The following PCDH15 variants were observed in gnomAD, a reference collection of about 807,000 sequenced individuals.
The protein encoded by PCDH15 is protocadherin-15.
Under a neutral mutation model 178.5 loss-of-function variants are expected in PCDH15, and 129 were observed. The ratio of observed to expected loss-of-function variants is 0.72; its 90% CI spans 0.63 to 0.84. The LOEUF (loss-of-function observed/expected upper bound fraction) is 0.84. Ranked by LOEUF, PCDH15 falls within the 40% of genes least tolerant of loss-of-function variation. PCDH15 has a pLI of 0.00. For synonymous variants in PCDH15, 800 were observed against 732.0 expected, an observed-to-expected ratio of 1.09 and a Z score of -1.50; for missense variants, 2,230 against 2,099.9, an observed-to-expected ratio of 1.06 and a Z score of -1.21.
chr10:54,033,231 T>C (rs1339640763), intron 18 of PCDH15, among the ~76,000 whole-genome samples: 2 of 152,034 alleles, frequency 1.3e-5, no homozygotes, highest in African/African-American at 4.8e-5. Flanking sequence ...CAGTCTATTC[T>C]AGCATTGCTT....
At chr10:54,299,538 C>G (rs1159879426) in intron 8 of PCDH15, among the ~76,000 whole-genome samples, 1 of 152,220 alleles carries the variant, frequency 6.6e-6, no homozygotes, top group Non-Finnish European at 1.5e-5. Context: ...CCCAAAAGCA[C>G]TGAGGCTACT....
Position 54,425,676 on chromosome 10 carries a change from C to T in PCDH15, c.158-46734G>A, listed in dbSNP as rs149999189. Among the ~76,000 whole-genome samples the T allele has an allele frequency of 4.9e-3, 740 of 152,170 alleles. 8 individuals are homozygous for T. Among genetic ancestry groups the T allele is most frequent in the African/African-American group, 0.017 (687 of 41,528 alleles). Reference sequence around the variant, plus strand: ...TGAAGGAATGTCATAAGGTTTTCAGCATATAGAGGCTCTAAATATCAGTCT... The same window carrying T: ...TGAAGGAATGTCATAAGGTTTTCAGTATATAGAGGCTCTAAATATCAGTCT... On this transcript the variant is annotated intron_variant, in intron 3 of 37. Transcript: ENST00000644397.
intron 2 of PCDH15, among the ~76,000 whole-genome samples, chr10:54,576,002 GC>G (rs1178458747): frequency 6.6e-6 from 1 of 152,098 alleles, no homozygotes; most frequent in East Asian, 2.0e-4. Flanking sequence ...CTGGCCAATG[GC>G]CAATTTGTAA....
At chr10:54,307,028 A>ATGTGTG (rs1218411712) in intron 8 of PCDH15, among the ~76,000 whole-genome samples, 3 of 30,734 alleles carry the variant, frequency 9.8e-5, no homozygotes, top group African/African-American at 2.4e-4. Flanking sequence ...ATATATATAT[A>ATGTGTG]TGTGTGTGTG....
At chr10:54,588,919 G>T (rs1200789890) in intron 2 of PCDH15, among the ~76,000 whole-genome samples, 4 of 151,998 alleles carry the variant, frequency 2.6e-5, no homozygotes, top group Admixed American at 1.3e-4. Context: ...CTGCTAGCTA[G>T]TGGAAAAAAA....
chr10:54,961,168 C>A (rs1358193078), intron 2 of PCDH15, among the ~76,000 whole-genome samples: 1 of 152,186 alleles, frequency 6.6e-6, no homozygotes, highest in East Asian at 1.9e-4. Context: ...TCCCTTGTGC[C>A]CGCTCCAGTG....
chr10:54,835,203 G>C (rs1953294839), intron 3 of PCDH15, among the ~76,000 whole-genome samples: 1 of 152,134 alleles, frequency 6.6e-6, no homozygotes, highest in Non-Finnish European at 1.5e-5. Flanking sequence ...GTAGACTTCA[G>C]CAGGAGAAGG....
At chr10:55,606,359 C>T (rs867861476) in intron 2 of PCDH15, among the ~76,000 whole-genome samples, 53 of 143,112 alleles carry the variant, frequency 3.7e-4, no homozygotes, top group Admixed American at 1.7e-3. Flanking sequence ...CCCCATCAAG[C>T]TACCAATGCC....
intron 1 of PCDH15, among the ~76,000 whole-genome samples, chr10:55,202,126 G>C (rs1368288132): frequency 6.6e-6 from 1 of 152,070 alleles, no homozygotes; most frequent in Non-Finnish European, 1.5e-5. Context: ...GAAAAATTTT[G>C]AACGGATGAA....
Position 54,943,864 on chromosome 10 carries a change from G to GAA in PCDH15, c.-79-46366_-79-46365dup, listed in dbSNP as rs397933136. Among the ~76,000 whole-genome samples, 34 of 144,940 alleles carry GAA rather than the reference G, an allele frequency of 2.3e-4. 1 individual carries two copies. Among genetic ancestry groups the GAA allele is most frequent in the African/African-American group, 2.8e-4 (11 of 39,680 alleles). ...TAAATTCCAAAGTTTTCCTTGGCTA[G>GAA]AAAAAAAAAAAGCATGACATTCTGA... is the stretch of plus-strand genomic sequence containing the variant. On this transcript the variant is annotated intron_variant, in intron 2 of 5. Transcript: ENST00000458638.
At chr10:54,250,267 C>CTTTTTTT (rs765895227) in intron 8 of PCDH15, among the ~76,000 whole-genome samples, 8 of 84,040 alleles carry the variant, frequency 9.5e-5, no homozygotes, top group Non-Finnish European at 1.1e-4. Context: ...TATGCTATTA[C>CTTTTTTT]TTTTTTTTTT....
chr10:54,386,654 C>T (rs887959020), intron 3 of PCDH15, among the ~76,000 whole-genome samples: 1 of 151,992 alleles, frequency 6.6e-6, no homozygotes, highest in African/African-American at 2.4e-5. Context: ...GTGTAAAGAA[C>T]TTGAATCAAT....
At chr10:55,401,851 TA>T (rs1252908378) in intron 2 of PCDH15, among the ~76,000 whole-genome samples, 1 of 152,054 alleles carries the variant, frequency 6.6e-6, no homozygotes, top group East Asian at 1.9e-4. Context: ...AATTAAGAGC[TA>T]CAGTTCTCAT....
chr10:53,979,997 T>A (rs569332908), intron 21 of PCDH15, among the ~76,000 whole-genome samples: 10 of 152,156 alleles, frequency 6.6e-5, no homozygotes, highest in Non-Finnish European at 1.0e-4. Flanking sequence ...GGTGTGTGGA[T>A]CACCTGAGGT....
At chr10:55,407,942 T>C (rs760771447) in intron 2 of PCDH15, among the ~76,000 whole-genome samples, 4 of 152,134 alleles carry the variant, frequency 2.6e-5, no homozygotes, top group Non-Finnish European at 5.9e-5. Context: ...TCATACAGGA[T>C]GTAGGTGGAG....
chr10:54,940,054 T>A lies in PCDH15; in HGVS notation c.-79-42554A>T, dbSNP rs142206254. Among the ~76,000 whole-genome samples the A allele has an allele frequency of 2.2e-4, 33 of 152,352 alleles. No homozygotes were observed. In the East Asian group the frequency reaches 5.8e-3, roughly 27 times the overall value. ...CCATTAATTTCATCTATAATCATTA[T>A]TTCCTACCATGTGTTGGCTTTAAGT... On this transcript the variant is annotated intron_variant, in intron 2 of 5. Transcript: ENST00000458638.
chr10:54,210,386 T>C (rs532303478), intron 10 of PCDH15, among the ~76,000 whole-genome samples: 1 of 152,154 alleles, frequency 6.6e-6, no homozygotes, highest in South Asian at 2.1e-4. Context: ...CTATGTGCTG[T>C]ATATAGGTAG....
intron 13 of PCDH15, among the ~76,000 whole-genome samples, chr10:54,165,917 TGAGA>T (rs1268625113): frequency 7.2e-5 from 11 of 152,118 alleles, no homozygotes; most frequent in African/African-American, 2.7e-4. Context: ...GGAAAGGAGA[TGAGA>T]GAGAAACCTA....
At chr10:54,369,835 T>TAGACAAAC (rs1947372044) in intron 4 of PCDH15, among the ~76,000 whole-genome samples, 1 of 152,010 alleles carries the variant, frequency 6.6e-6, no homozygotes, top group Non-Finnish European at 1.5e-5. Context: ...GTACATATTA[T>TAGACAAAC]AGACACACAG....
Sources: allele counts gnomAD v4.1 joint callset (sites outside exome capture counted in the v4.1 genomes callset), GRCh38; gene constraint gnomAD v4.1.1; transcripts MANE v1.5; gene names NCBI Gene and HGNC (gene_info 2026-07-23, HGNC 2026-07-21).